UBXN2A: variants seen among roughly 807,000 people sequenced by gnomAD.
The protein encoded by UBXN2A is UBX domain-containing protein 2A.
In UBXN2A, 28 loss-of-function variants were observed where a neutral mutation model predicts 28.4. That is an observed-to-expected ratio of 0.99 (90% CI 0.73 to 1.35). The LOEUF (loss-of-function observed/expected upper bound fraction) is 1.35, where lower values mean the gene tolerates loss of function less well. Among genes scored for constraint, UBXN2A ranks in the 40% most tolerant of loss-of-function variants. UBXN2A has a pLI of 0.00. For missense variants in UBXN2A, 253 were observed against 297.9 expected (o/e 0.85, Z 1.11); for synonymous variants, 97 against 103.6 (o/e 0.94, Z 0.39).
rs1245956341 is a variant in UBXN2A at position 23,983,040 on chromosome 2, A to G, written c.425+7A>G. On this transcript the variant is annotated splice_region_variant and intron_variant, in intron 5 of 6. Coordinates refer to ENST00000309033, the MANE Select transcript of UBXN2A (RefSeq NM_181713.4). ...AGGGTCACAGACTAGGAAGGTAAATATGCCTATTGTCTTGTTTTGCATAGA... is the reference window on the plus strand; with the variant it reads ...AGGGTCACAGACTAGGAAGGTAAATGTGCCTATTGTCTTGTTTTGCATAGA... The G allele has an allele frequency of 1.9e-6, 3 of 1,591,260 alleles. No individual in the cohort carries two copies. Among genetic ancestry groups the G allele is most frequent in the Non-Finnish European group, 2.6e-6 (3 of 1,169,666 alleles).
At chr2:23,973,154 G>A (rs1178196499) in intron 3 of UBXN2A, among the ~76,000 whole-genome samples, 2 of 151,060 alleles carry the variant, frequency 1.3e-5, no homozygotes, top group Non-Finnish European at 2.9e-5. Flanking sequence ...CTAATAGCTG[G>A]GATTACAGGT....
intron 2 of UBXN2A, among the ~76,000 whole-genome samples, chr2:23,962,772 G>A (rs1706990193): frequency 6.6e-6 from 1 of 151,878 alleles, no homozygotes; most frequent in African/African-American, 2.4e-5. Flanking sequence ...CACCTGGCTA[G>A]TTTTGTATTT....
intron 1 of UBXN2A, among the ~76,000 whole-genome samples, chr2:23,929,314 G>T (rs1351231082): frequency 6.6e-6 from 1 of 151,802 alleles, no homozygotes; most frequent in Non-Finnish European, 1.5e-5. Flanking sequence ...GGCGCCATCA[G>T]TCACTTGAGC....
chr2:23,930,710 A>G (rs934139005), intron 1 of UBXN2A, among the ~76,000 whole-genome samples: 4 of 152,166 alleles, frequency 2.6e-5, no homozygotes, highest in African/African-American at 9.7e-5. Flanking sequence ...AAATTAAAAT[A>G]AAATTTTAAA....
chr2:23,977,033 C>G lies in UBXN2A; in HGVS notation c.245C>G (p.Ser82Cys). Residue 82 changes from serine (S) to cysteine (C), a missense_variant, in exon 4 of 7, where the codon TCC becomes TGC. Transcript: ENST00000309033. The part of the protein sequence containing the change: ...FTVNDDFRSY[S>C]DGASQQFLNS... The stretch of plus-strand genomic sequence containing the variant: ...GTCAACGACGATTTCAGAAGTTATT[C>G]CGATGGTGCCAGTCAGCAGTTTTTG... 1.2e-6 allele frequency: 2 copies of G among 1,612,392 alleles called. No individual in the cohort carries two copies. Among genetic ancestry groups the G allele is most frequent in the Non-Finnish European group, 1.7e-6 (2 of 1,178,774 alleles).
At chr2:23,976,367 T>C (rs555653488) in intron 3 of UBXN2A, among the ~76,000 whole-genome samples, 50 of 152,318 alleles carry the variant, frequency 3.3e-4, no homozygotes, top group Non-Finnish European at 6.9e-4. Flanking sequence ...ATTACTCAAT[T>C]CTGTGCCTCG....
chr2:23,928,324 C>T (rs1705202698), intron 1 of UBXN2A, among the ~76,000 whole-genome samples: 1 of 152,140 alleles, frequency 6.6e-6, no homozygotes, highest in Non-Finnish European at 1.5e-5. Flanking sequence ...GCCTGTAATC[C>T]CAGCACTTTG....
chr2:23,965,897 A>T (rs2150853714), intron 2 of UBXN2A, among the ~76,000 whole-genome samples: 1 of 152,282 alleles, frequency 6.6e-6, no homozygotes, highest in Non-Finnish European at 1.5e-5. Flanking sequence ...AGTATGCATA[A>T]GCCTATTCAT....
chr2:23,965,200 A>C (rs1373682039), intron 2 of UBXN2A, among the ~76,000 whole-genome samples: 3 of 152,096 alleles, frequency 2.0e-5, no homozygotes, highest in Non-Finnish European at 4.4e-5. Context: ...ACCTGTATAC[A>C]TTTTACTTCC....
chr2:23,973,121 G>T (rs1206565511), intron 3 of UBXN2A, among the ~76,000 whole-genome samples: 2 of 151,854 alleles, frequency 1.3e-5, no homozygotes, highest in Non-Finnish European at 2.9e-5. Flanking sequence ...CCAGGTTCAA[G>T]CCATTCTCCT....
Position 23,976,989 on chromosome 2 carries a change from A to G in UBXN2A, c.201A>G (p.Leu67=). The G allele has an allele frequency of 2.5e-6, 4 of 1,611,512 alleles. No homozygotes were observed. The highest frequency in any genetic ancestry group is 1.1e-5 in the South Asian group (1 of 90,988). Residue 67 remains leucine, a synonymous_variant, in exon 4 of 7, where the codon TTA becomes TTG. Transcript: ENST00000309033. ...QKKQVDVNIK[L]WKNGFTVNDD... ...TGCAGGTAGATGTAAATATAAAATT[A>G]TGGAAAAACGGATTCACCGTCAACG...
chr2:23,999,744 A>C lies in UBXN2A; in HGVS notation c.657A>C (p.Thr219=). The C allele has an allele frequency of 1.2e-6, 2 of 1,614,180 alleles. No individual in the cohort carries two copies. Among genetic ancestry groups the C allele is most frequent in the Non-Finnish European group, 1.7e-6 (2 of 1,180,040 alleles). ...SQRSPPFSLA[T]ALPVLRLLDE... ...GAAGTCCTCCGTTTTCCCTGGCAACAGCTCTTCCTGTCCTCAGGTTGCTAG... is the reference window on the plus strand; with the variant it reads ...GAAGTCCTCCGTTTTCCCTGGCAACCGCTCTTCCTGTCCTCAGGTTGCTAG... The change falls in exon 7 of 7, where the codon ACA becomes ACC. Residue 219 remains threonine, a synonymous_variant. Coordinates refer to ENST00000309033, the MANE Select transcript of UBXN2A (RefSeq NM_181713.4).
At chr2:23,952,426 G>T (rs1401199571) in intron 1 of UBXN2A, among the ~76,000 whole-genome samples, 2 of 151,910 alleles carry the variant, frequency 1.3e-5, no homozygotes, top group Non-Finnish European at 2.9e-5. Context: ...ACCGTGCCGG[G>T]CTAATTTATT....
intron 2 of UBXN2A, among the ~76,000 whole-genome samples, chr2:23,967,008 T>A (rs1477929513): frequency 1.3e-5 from 2 of 151,826 alleles, no homozygotes; most frequent in South Asian, 4.2e-4. Context: ...TTCTCCTACC[T>A]TGGCCTCCCA....
intron 1 of UBXN2A, among the ~76,000 whole-genome samples, chr2:23,943,667 A>G (rs1705879980): frequency 6.6e-6 from 1 of 151,856 alleles, no homozygotes; most frequent in African/African-American, 2.4e-5. Flanking sequence ...TTGTATTTTT[A>G]GTAGAGAGAG....
intron 1 of UBXN2A, among the ~76,000 whole-genome samples, chr2:23,941,274 T>C (rs1446903606): frequency 6.6e-6 from 1 of 152,256 alleles, no homozygotes; most frequent in Non-Finnish European, 1.5e-5. Flanking sequence ...TTTGTTTTGA[T>C]GCGAATGCAG....
intron 1 of UBXN2A, among the ~76,000 whole-genome samples, chr2:23,932,000 G>A (rs1478773277): frequency 6.7e-6 from 1 of 150,350 alleles, no homozygotes; most frequent in African/African-American, 2.4e-5. Context: ...GACAGAGCGA[G>A]ACTCCGTCTC....
rs539440458 is a variant in UBXN2A at position 23,949,085 on chromosome 2, C to T, written c.-15+8437C>T. ...CCTCCCAAGTAGCTGGGACTACAGG[C>T]GTGTGCTACCAAGCCTGGCTATTTT... On this transcript the variant is annotated intron_variant, in intron 1 of 6. Transcript: ENST00000309033. Among the ~76,000 whole-genome samples, 6 of 149,402 alleles carry T rather than the reference C, an allele frequency of 4.0e-5. No individual in the cohort carries two copies. The East Asian group carries it at 6.0e-4, about 15-fold the overall frequency.
intron 6 of UBXN2A, chr2:23,997,001 G>C (rs2150922816): frequency 6.6e-6 from 1 of 152,186 alleles, no homozygotes; most frequent in South Asian, 2.1e-4. Flanking sequence ...GCACACTACA[G>C]CCCCGGAAAT....
Sources: allele counts gnomAD v4.1 joint callset (sites outside exome capture counted in the v4.1 genomes callset), GRCh38; gene constraint gnomAD v4.1.1; transcripts MANE v1.5; gene names NCBI Gene and HGNC (gene_info 2026-07-23, HGNC 2026-07-21).